ZNF516: variants seen among roughly 807,000 people sequenced by gnomAD.
The protein encoded by ZNF516 is zinc finger protein 516.
ZNF516 carries 19 observed loss-of-function variants against 79.7 expected under a neutral mutation model. The observed-to-expected ratio is 0.24, with a 90% CI of 0.17 to 0.35. ZNF516 has a LOEUF of 0.35. Among genes scored for constraint, ZNF516 ranks in the 10% least tolerant of loss-of-function variants. The pLI is 1.00. For synonymous variants in ZNF516, 877 were observed against 739.5 expected, an observed-to-expected ratio of 1.19 and a Z score of -3.02; for missense variants, 1,678 against 1,679.5, an observed-to-expected ratio of 1.00 and a Z score of 0.02.
At chr18:76,480,342 C>T (rs1344387875) in intron 1 of ZNF516, among the ~76,000 whole-genome samples, 4 of 152,014 alleles carry the variant, frequency 2.6e-5, no homozygotes, top group Non-Finnish European at 5.9e-5. Flanking sequence ...ATAGACATAG[C>T]GTGCATGGTA....
At chr18:76,480,756 A>G (rs1914479877) in intron 1 of ZNF516, among the ~76,000 whole-genome samples, 1 of 152,154 alleles carries the variant, frequency 6.6e-6, no homozygotes, top group South Asian at 2.1e-4. Flanking sequence ...TCCTGACCTC[A>G]AGTGATCCGC....
At position 76,463,152 on chromosome 18, in the gene ZNF516, G is replaced by A. The variant is rs1913231428; in HGVS notation, c.-271-11C>T. ...GGCCTCTCTCAGATTCTGAAATGAG[G>A]AAAAGTTTAGTATTCATCTAATTAT... is the stretch of plus-strand genomic sequence containing the variant. On this transcript the variant is annotated splice_polypyrimidine_tract_variant and intron_variant, in intron 1 of 6. Coordinates refer to ENST00000443185, the MANE Select transcript of ZNF516 (RefSeq NM_014643.4). The A allele has an allele frequency of 6.6e-6, 1 of 152,208 alleles. No individual in the cohort carries two copies. The highest frequency in any genetic ancestry group is 2.4e-5 in the African/African-American group (1 of 41,456). 9.4% of individuals were successfully genotyped at this position (152,208 alleles called of 1,614,324 possible).
chr18:76,457,751 C>A (rs1371075806), intron 2 of ZNF516, among the ~76,000 whole-genome samples: 1 of 152,104 alleles, frequency 6.6e-6, no homozygotes, highest in Non-Finnish European at 1.5e-5. Flanking sequence ...ATGGGGGCAA[C>A]TCCCACCACT....
At chr18:76,488,581 G>A (rs1345819447) in intron 1 of ZNF516, among the ~76,000 whole-genome samples, 1 of 152,100 alleles carries the variant, frequency 6.6e-6, no homozygotes, top group Non-Finnish European at 1.5e-5. Flanking sequence ...AACTAATTGA[G>A]TGTGTCAGAA....
At chr18:76,453,997 T>A (rs1267012265) in intron 2 of ZNF516, among the ~76,000 whole-genome samples, 1 of 152,210 alleles carries the variant, frequency 6.6e-6, no homozygotes, top group East Asian at 1.9e-4. Flanking sequence ...AGAATACAGA[T>A]TGCAATTAAT....
At chr18:76,390,498 G>A (rs929365946) in intron 3 of ZNF516, among the ~76,000 whole-genome samples, 13 of 152,188 alleles carry the variant, frequency 8.5e-5, no homozygotes, top group African/African-American at 3.1e-4. Flanking sequence ...ATGTGCCCAA[G>A]ACGGCACCTG....
chr18:76,463,617 G>A (rs914360413), intron 1 of ZNF516, among the ~76,000 whole-genome samples: 2 of 152,294 alleles, frequency 1.3e-5, no homozygotes, highest in East Asian at 1.9e-4. Context: ...TCTGTGGGGC[G>A]CCACCTACTC....
intron 1 of ZNF516, chr18:76,488,180 G>A: frequency 2.0e-6 from 2 of 985,300 alleles, no homozygotes; most frequent in Non-Finnish European, 1.2e-6. Context: ...CAATTCACTT[G>A]AAAAATGCAA....
chr18:76,373,118 C>T (rs904626167), intron 4 of ZNF516, among the ~76,000 whole-genome samples: 11 of 152,014 alleles, frequency 7.2e-5, no homozygotes, highest in Middle Eastern at 6.8e-3. Context: ...CCACTGCACT[C>T]CAGCCTAGGT....
At chr18:76,456,237 G>A (rs755209168) in intron 2 of ZNF516, among the ~76,000 whole-genome samples, 3 of 152,206 alleles carry the variant, frequency 2.0e-5, no homozygotes, top group Non-Finnish European at 4.4e-5. Flanking sequence ...ACCTTTTTCT[G>A]CCTTGCTAAC....
chr18:76,488,422 C>A (rs1914957715), intron 1 of ZNF516, among the ~76,000 whole-genome samples: 1 of 151,784 alleles, frequency 6.6e-6, no homozygotes, highest in African/African-American at 2.4e-5. Context: ...CAGAGCGGCA[C>A]ACGTCCAGCT....
intron 1 of ZNF516, chr18:76,488,285 G>C: frequency 1.0e-6 from 1 of 981,134 alleles, no homozygotes; most frequent in Non-Finnish European, 1.2e-6. Context: ...TTCACGTTTA[G>C]CCATTAACAA....
At chr18:76,374,418 G>C (rs2074754101) in intron 4 of ZNF516, among the ~76,000 whole-genome samples, 3 of 152,146 alleles carry the variant, frequency 2.0e-5, no homozygotes, top group Non-Finnish European at 4.4e-5. Flanking sequence ...CTTCTTAAAT[G>C]GTCAGGGAGT....
intron 1 of ZNF516, among the ~76,000 whole-genome samples, chr18:76,487,651 C>A (rs957113299): frequency 4.6e-5 from 7 of 152,094 alleles, no homozygotes; most frequent in African/African-American, 2.4e-5. Context: ...TTTCAAAATT[C>A]CTGAAAATCG....
intron 1 of ZNF516, chr18:76,490,848 C>G (rs1915137007): frequency 1.0e-6 from 1 of 985,368 alleles, no homozygotes; most frequent in African/African-American, 1.7e-5. Flanking sequence ...GCAGGGGACA[C>G]CCCTGGAAGG....
At chr18:76,461,953 G>A (rs899964739) in intron 2 of ZNF516, among the ~76,000 whole-genome samples, 14 of 152,342 alleles carry the variant, frequency 9.2e-5, no homozygotes, top group South Asian at 6.2e-4. Context: ...AAACCGCTCC[G>A]CCCTCCTCCT....
intron 3 of ZNF516, among the ~76,000 whole-genome samples, chr18:76,410,986 A>C (rs2075366945): frequency 6.6e-6 from 1 of 152,252 alleles, no homozygotes; most frequent in Non-Finnish European, 1.5e-5. Context: ...AGCAGATAAA[A>C]CTTTCAGATT....
rs186236716 is a variant in ZNF516 at position 76,372,942 on chromosome 18, A to C, written c.3260-1371T>G. On this transcript the variant is annotated intron_variant, in intron 4 of 6. Transcript: ENST00000443185. ...AGCGGGAGGATCACTTGAGCCCAGG[A>C]GTTCAAGACCAGCCTGGGCAACAGA... 4.6e-5 allele frequency: 7 copies of C among 152,464 alleles called. No homozygotes were observed. The East Asian group carries it at 1.2e-3, about 25-fold the overall frequency. 9.4% of individuals were successfully genotyped at this position (152,464 alleles called of 1,614,324 possible). A position where few individuals can be genotyped will look rare whatever the true frequency, so the allele number is the denominator to read the frequency against.
intron 6 of ZNF516, among the ~76,000 whole-genome samples, chr18:76,370,016 G>A (rs936664450): frequency 1.3e-5 from 2 of 152,220 alleles, no homozygotes; most frequent in Admixed American, 6.5e-5. Context: ...ACGCCTGGAT[G>A]GTAAGGTGCA....
Sources: gnomAD v4.1 joint callset for allele counts (sites outside exome capture counted in the v4.1 genomes callset) on GRCh38, gnomAD v4.1.1 for gene constraint, MANE v1.5 for transcripts, NCBI Gene and HGNC (gene_info 2026-07-23, HGNC 2026-07-21) for gene names.